The following ZNF565 variants were observed in gnomAD, a reference collection of about 807,000 sequenced individuals.
ZNF565 encodes zinc finger protein 565.
A neutral mutation model predicts 39.4 loss-of-function variants in ZNF565; 27 were observed. The ratio of observed to expected loss-of-function variants is 0.69; its 90% confidence interval spans 0.51 to 0.95. ZNF565 has a LOEUF of 0.95. Among genes scored for constraint, ZNF565 ranks in the 40% least tolerant of loss-of-function variants. The pLI is 0.00. For synonymous variants in ZNF565, 185 were observed against 216.6 expected (o/e 0.85, Z 1.28); for missense variants, 524 against 621.1 (o/e 0.84, Z 1.66).
chr19:36,232,680 C>G (rs370509802), intron 1 of ZNF565, among the ~76,000 whole-genome samples: 18 of 150,340 alleles, frequency 1.2e-4, no homozygotes, highest in African/African-American at 3.9e-4. Context: ...GCGATCTGGG[C>G]TCACTACAAC....
chr19:36,222,101 C>G (rs1976872925), intron 1 of ZNF565, among the ~76,000 whole-genome samples: 1 of 151,786 alleles, frequency 6.6e-6, no homozygotes, highest in African/African-American at 2.4e-5. Flanking sequence ...GGCTTTTTTA[C>G]TTTTTGTAGA....
intron 1 of ZNF565, among the ~76,000 whole-genome samples, chr19:36,210,523 A>G (rs934754150): frequency 1.3e-5 from 2 of 151,772 alleles, no homozygotes; most frequent in Admixed American, 6.6e-5. Flanking sequence ...CTCATGAATT[A>G]TTTGTATATA....
chr19:36,200,427 T>A (rs1975915367), intron 2 of ZNF565, among the ~76,000 whole-genome samples: 1 of 152,112 alleles, frequency 6.6e-6, no homozygotes, highest in Non-Finnish European at 1.5e-5. Flanking sequence ...AATCAAAAAA[T>A]TTAGTGGCAT....
intron 1 of ZNF565, among the ~76,000 whole-genome samples, chr19:36,243,932 A>C (rs1456473249): frequency 6.6e-6 from 1 of 151,772 alleles, no homozygotes; most frequent in East Asian, 1.9e-4. Context: ...AAACTCCTGA[A>C]CTCCAGGAAT....
At chr19:36,194,853 C>T in intron 3 of ZNF565, 177 bp downstream of exon 3, 1 of 916,700 alleles carries the variant, frequency 1.1e-6, no homozygotes, top group Non-Finnish European at 1.7e-6. Context: ...GACCCAGGAG[C>T]TCTGGAAGTA....
chr19:36,210,227 C>T (rs1976301189), intron 1 of ZNF565, among the ~76,000 whole-genome samples: 1 of 151,622 alleles, frequency 6.6e-6, no homozygotes, highest in African/African-American at 2.4e-5. Context: ...TTGAGACCAG[C>T]CTGACTATCA....
intron 4 of ZNF565, among the ~76,000 whole-genome samples, chr19:36,187,520 C>T (rs1381413120): frequency 2.6e-5 from 4 of 151,924 alleles, no homozygotes; most frequent in African/African-American, 7.3e-5. Context: ...CGTCACCACG[C>T]CTGGCTAATT....
At chr19:36,200,976 G>C (rs536393361) in intron 2 of ZNF565, among the ~76,000 whole-genome samples, 1 of 151,840 alleles carries the variant, frequency 6.6e-6, no homozygotes, top group Non-Finnish European at 1.5e-5. Context: ...TATATTTGAC[G>C]GTATTAAGTG....
intron 1 of ZNF565, chr19:36,238,530 A>G (rs767213189): frequency 1.8e-4 from 30 of 167,144 alleles, no homozygotes; most frequent in Non-Finnish European, 3.5e-4. Context: ...TGGTATAGGG[A>G]TATCTTGTCT....
upstream of ZNF565, among the ~76,000 whole-genome samples, chr19:36,216,302 T>C (rs1976602990): frequency 6.6e-6 from 1 of 152,062 alleles, no homozygotes. Flanking sequence ...AAATATACCA[T>C]GTGACATTAA....
At chr19:36,233,333 T>A (rs980592975) in intron 1 of ZNF565, among the ~76,000 whole-genome samples, 2 of 152,076 alleles carry the variant, frequency 1.3e-5, no homozygotes, top group African/African-American at 4.8e-5. Flanking sequence ...TGAGTCGAGA[T>A]CGCACCACTG....
chr19:36,231,813 G>A (rs977964424), intron 1 of ZNF565, among the ~76,000 whole-genome samples: 3 of 151,986 alleles, frequency 2.0e-5, no homozygotes, highest in African/African-American at 4.8e-5. Flanking sequence ...GGCCAGGCAC[G>A]GTGGCTCACA....
chr19:36,201,999 A>G lies in ZNF565; in HGVS notation c.-14T>C. 1 of 1,614,100 alleles carries G rather than the reference A, an allele frequency of 6.2e-7. No individual in the cohort carries two copies. Among genetic ancestry groups the G allele is most frequent in the Non-Finnish European group, 8.5e-7 (1 of 1,179,980 alleles). On this transcript the variant is annotated 5_prime_UTR_variant, in exon 2 of 5. Transcript: ENST00000304116. ...TACCTGGGCCATGGCTTTTAGAACT[A>G]TTTGACCTGCTCTGATTTCTCTGGA...
At chr19:36,232,731 C>G (rs1977441170) in intron 1 of ZNF565, among the ~76,000 whole-genome samples, 1 of 151,484 alleles carries the variant, frequency 6.6e-6, no homozygotes, top group African/African-American at 2.4e-5. Flanking sequence ...GTCTCAGCCT[C>G]TTGAGTAGCT....
intron 4 of ZNF565, among the ~76,000 whole-genome samples, chr19:36,189,896 C>T (rs1975462466): frequency 2.0e-5 from 3 of 151,274 alleles, no homozygotes; most frequent in South Asian, 2.1e-4. Context: ...GATGCGCGAT[C>T]GATCTTGGTT....
chr19:36,236,310 G>A (rs118146634), intron 1 of ZNF565: 15,436 of 1,067,456 alleles, frequency 0.014, 161 homozygotes, highest in Middle Eastern at 0.022. Context: ...TCTGCATTTG[G>A]GAGATCATAC....
intron 1 of ZNF565, chr19:36,238,814 G>A (rs1021331940): frequency 2.4e-5 from 4 of 165,512 alleles, no homozygotes; most frequent in African/African-American, 9.7e-5. Flanking sequence ...ACACTATATC[G>A]GGGTCCCCAG....
chr19:36,189,782 T>C (rs1405124032), intron 4 of ZNF565, among the ~76,000 whole-genome samples: 3 of 152,222 alleles, frequency 2.0e-5, no homozygotes, highest in Admixed American at 6.6e-5. Flanking sequence ...AATATTTTAA[T>C]ACGGAATTAC....
chr19:36,203,926 T>A (rs1383183334), intron 1 of ZNF565, among the ~76,000 whole-genome samples: 1 of 151,164 alleles, frequency 6.6e-6, no homozygotes, highest in Non-Finnish European at 1.5e-5. Flanking sequence ...AGAAGCTTCC[T>A]GTAGGGGGTG....
Sources: gnomAD v4.1 joint callset for allele counts (sites outside exome capture counted in the v4.1 genomes callset) on GRCh38, gnomAD v4.1.1 for gene constraint, MANE v1.5 for transcripts, NCBI Gene and HGNC (gene_info 2026-07-23, HGNC 2026-07-21) for gene names.